Variants in SLC17A4 observed in about 807,000 individuals in gnomAD.
SLC17A4 encodes probable small intestine urate exporter.
In SLC17A4, 33 loss-of-function variants were observed where a neutral mutation model predicts 52.5. The ratio of observed to expected loss-of-function variants is 0.63; its 90% confidence interval spans 0.48 to 0.84. SLC17A4 has a LOEUF of 0.84. Ranked by LOEUF, SLC17A4 falls within the 40% of genes least tolerant of loss-of-function variation. The pLI is 0.00. For synonymous variants in SLC17A4, 225 were observed against 216.2 expected, an observed-to-expected ratio of 1.04 and a Z score of -0.36; for missense variants, 585 against 597.1, an observed-to-expected ratio of 0.98 and a Z score of 0.21.
At chr6:25,761,263 C>G (rs1011565268) in intron 1 of SLC17A4, among the ~76,000 whole-genome samples, 1 of 152,178 alleles carries the variant, frequency 6.6e-6, no homozygotes, top group South Asian at 2.1e-4. Flanking sequence ...AGGGGAAGAG[C>G]CTCTGTAACC....
At chr6:25,777,622 C>G in intron 10 of SLC17A4, 1 of 248,838 alleles carries the variant, frequency 4.0e-6, no homozygotes, top group East Asian at 8.1e-5. Flanking sequence ...CCTTACAAAC[C>G]AGGTGCAGAC....
intron 2 of SLC17A4, among the ~76,000 whole-genome samples, chr6:25,764,573 C>T (rs1761842679): frequency 6.6e-6 from 1 of 152,150 alleles, no homozygotes; most frequent in Non-Finnish European, 1.5e-5. Flanking sequence ...AGAGAGGAGC[C>T]AAGAGCTCAT....
At chr6:25,772,341 A>C (rs1206597662) in intron 6 of SLC17A4, among the ~76,000 whole-genome samples, 1 of 152,060 alleles carries the variant, frequency 6.6e-6, no homozygotes, top group Non-Finnish European at 1.5e-5. Flanking sequence ...ATCCCTCCGC[A>C]CTTGATTATG....
rs1454856939 is a variant in SLC17A4, at chr6:25,773,351, T to G, written c.783T>G (p.Ser261Arg). 1.2e-6 allele frequency: 2 copies of G among 1,613,998 alleles called. No homozygotes were observed. Among genetic ancestry groups the G allele is most frequent in the East Asian group, 4.5e-5 (2 of 44,880 alleles). Residue 261 changes from serine (S) to arginine (R), a missense_variant, in exon 7 of 12, where the codon AGT (serine) becomes AGG (arginine). By Grantham distance (110) the Ser-to-Arg change is moderately radical (BLOSUM62 -1). Transcript: ENST00000377905. ...ATCCTGTGAATCATCCCTTTATCAG[T>G]GCTGGTGAGAAGAGATACATTGTGT... Reference protein sequence around the residue: ...YDDPVNHPFISAGEKRYIVCS... With the variant: ...YDDPVNHPFIRAGEKRYIVCS...
At chr6:25,771,631 T>C (rs373438008) in intron 6 of SLC17A4, among the ~76,000 whole-genome samples, 9 of 152,180 alleles carry the variant, frequency 5.9e-5, no homozygotes, top group East Asian at 3.8e-4. Flanking sequence ...GTCATGCTTT[T>C]TAATTTAATA....
Position 25,776,837 on chromosome 6 carries a change from C to T in SLC17A4, c.1146C>T (p.Leu382=), listed in dbSNP as rs144139612. The part of the protein sequence containing the change: ...AIGVLFPSVI[L]VSLPWVRSSH... ...GGGTTCTCTTCCCATCCGTGATCCT[C>T]GTGTCCCTGCCCTGGGTCAGATCCA... The change falls in exon 10 of 12, where the codon CTC becomes CTT. Residue 382 remains leucine, a synonymous_variant. Coordinates refer to ENST00000377905, the MANE Select transcript of SLC17A4 (RefSeq NM_005495.3). The T allele has an allele frequency of 1.3e-3, 2,037 of 1,614,022 alleles. 3 individuals are homozygous for T. Among genetic ancestry groups the T allele is most frequent in the Non-Finnish European group, 1.3e-3 (1,532 of 1,179,910 alleles).
In SLC17A4 at chr6:25,768,180, T is replaced by C. The variant is rs1762178203; in HGVS notation, c.92-805T>C. ...GATGGGGAACTAAATGCTCTCAGAG[T>C]TGAACCAAAGGTAAGAGCTAGAACT... On this transcript the variant is annotated intron_variant, in intron 2 of 11. Coordinates refer to ENST00000377905, the MANE Select transcript of SLC17A4 (RefSeq NM_005495.3). 2.0e-5 allele frequency among the ~76,000 whole-genome samples: 3 copies of C among 152,110 alleles called. No individual in the cohort carries two copies. The South Asian group carries it at 6.2e-4, about 31-fold the overall frequency.
chr6:25,766,560 A>G (rs1450014953), intron 2 of SLC17A4, among the ~76,000 whole-genome samples: 1 of 152,118 alleles, frequency 6.6e-6, no homozygotes, highest in Non-Finnish European at 1.5e-5. Flanking sequence ...AACCTGACAA[A>G]CACTACCTCA....
intron 2 of SLC17A4, among the ~76,000 whole-genome samples, chr6:25,768,627 T>C (rs1762218804): frequency 6.6e-6 from 1 of 152,148 alleles, no homozygotes; most frequent in Admixed American, 6.5e-5. Context: ...CAGTTTCCTC[T>C]CTCTCACTGT....
chr6:25,759,012 G>T (rs926259999), intron 1 of SLC17A4, among the ~76,000 whole-genome samples: 6 of 152,134 alleles, frequency 3.9e-5, no homozygotes, highest in African/African-American at 1.4e-4. Context: ...TTGTCGTTCA[G>T]TTCAAAGAAT....
At chr6:25,765,097 A>G (rs1761895408) in intron 2 of SLC17A4, among the ~76,000 whole-genome samples, 1 of 152,220 alleles carries the variant, frequency 6.6e-6, no homozygotes, top group South Asian at 2.1e-4. Context: ...AAAGTCACAC[A>G]CAACTGGCTT....
intron 1 of SLC17A4, among the ~76,000 whole-genome samples, chr6:25,755,649 A>G (rs1760951620): frequency 6.6e-6 from 1 of 152,202 alleles, no homozygotes. Context: ...CCTGGTTTCA[A>G]AATAAATAGA....
intron 3 of SLC17A4, among the ~76,000 whole-genome samples, chr6:25,769,739 A>C (rs1762322554): frequency 6.6e-6 from 1 of 152,016 alleles, no homozygotes; most frequent in African/African-American, 2.4e-5. Flanking sequence ...AATCACTACA[A>C]AATATGTTTC....
intron 2 of SLC17A4, among the ~76,000 whole-genome samples, chr6:25,762,999 G>A (rs897212596): frequency 2.0e-4 from 30 of 152,068 alleles, no homozygotes; most frequent in African/African-American, 6.8e-4. Context: ...GTAAAAGCAC[G>A]GGTCAGAAAT....
chr6:25,776,829 G>A lies in SLC17A4; in HGVS notation c.1138G>A (p.Val380Met), dbSNP rs1431260215. 1.3e-5 allele frequency: 21 copies of A among 1,613,838 alleles called. No individual in the cohort carries two copies. In the African/African-American group the frequency reaches 1.5e-4, roughly 11 times the overall value. Residue 380 changes from valine to methionine, a missense_variant, in exon 10 of 12, where the codon GTG becomes ATG. Transcript: ENST00000377905. ...TACCCCAGGGGTTCTCTTCCCATCC[G>A]TGATCCTCGTGTCCCTGCCCTGGGT... The part of the protein sequence containing the change: ...FTAIGVLFPS[V>M]ILVSLPWVRS...
chr6:25,773,643 T>A lies in SLC17A4; in HGVS notation c.956T>A (p.Ile319Asn). The A allele has an allele frequency of 6.2e-7, 1 of 1,613,792 alleles. No individual in the cohort carries two copies. Among genetic ancestry groups the A allele is most frequent in the Non-Finnish European group, 8.5e-7 (1 of 1,179,794 alleles). Residue 319 changes from isoleucine to asparagine, a missense_variant, in exon 8 of 12, where the codon ATC becomes AAC. Coordinates refer to ENST00000377905, the MANE Select transcript of SLC17A4 (RefSeq NM_005495.3). ...ATTATGGCGTACACACCAACGTACA[T>A]CAGCTCGGTACTTCAAGCCAACCTC... ...YTIMAYTPTYISSVLQANLRD... is the reference protein window; with the variant it reads ...YTIMAYTPTYNSSVLQANLRD...
chr6:25,760,342 G>A (rs1218666355), intron 1 of SLC17A4, among the ~76,000 whole-genome samples: 2 of 152,076 alleles, frequency 1.3e-5, no homozygotes, highest in Non-Finnish European at 2.9e-5. Context: ...ATAGAATGCT[G>A]TAATTAATTT....
rs942257952 is a variant in SLC17A4 at position 25,768,930 on chromosome 6, G to T, written c.92-55G>T. ...AATCTTCTCCTTCTTCCAGACTTAG[G>T]GAGAGTGGGAGAAAAGCATTCTGAT... On this transcript the variant is annotated intron_variant, in intron 2 of 11. Coordinates refer to ENST00000377905, the MANE Select transcript of SLC17A4 (RefSeq NM_005495.3). 7 of 1,488,642 alleles carry T rather than the reference G, an allele frequency of 4.7e-6. No individual in the cohort carries two copies. In the African/African-American group the frequency reaches 9.7e-5, roughly 21 times the overall value. The allele number at this position is 1,488,642 out of a possible 1,614,324, so 92.2% of individuals were successfully genotyped here. A position where few individuals can be genotyped will look rare whatever the true frequency, so the allele number is the denominator to read the frequency against.
rs543816463 is a variant in SLC17A4 at position 25,775,829 on chromosome 6, A to G, written c.988-766A>G. On this transcript the variant is annotated intron_variant, in intron 8 of 11. Coordinates refer to ENST00000377905, the MANE Select transcript of SLC17A4 (RefSeq NM_005495.3). ...CAACTTTTAAAATACAAAACAGTAT[A>G]CTTAGTAATATGCCGCTATGCTTAT... Among the ~76,000 whole-genome samples the G allele has an allele frequency of 3.3e-5, 5 of 152,296 alleles. No homozygotes were observed. The East Asian group carries it at 7.7e-4, about 24-fold the overall frequency.
Sources: allele counts gnomAD v4.1 joint callset (sites outside exome capture counted in the v4.1 genomes callset), GRCh38; gene constraint gnomAD v4.1.1; transcripts MANE v1.5; gene names NCBI Gene and HGNC (gene_info 2026-07-23, HGNC 2026-07-21).